RXFP1: variants seen among roughly 807,000 people sequenced by gnomAD.
RXFP1 encodes relaxin receptor 1.
A neutral mutation model predicts 89.8 loss-of-function variants in RXFP1; 73 were observed. The ratio of observed to expected loss-of-function variants is 0.81; its 90% CI spans 0.67 to 0.99. RXFP1 has a LOEUF of 0.99. Ranked by LOEUF, RXFP1 falls within the 50% of genes least tolerant of loss-of-function variation. RXFP1 has a pLI of 0.00. For synonymous variants in RXFP1, 277 were observed against 305.5 expected (o/e 0.91, Z 0.97); for missense variants, 793 against 895.5 (o/e 0.89, Z 1.46).
At chr4:158,609,760 G>T (rs1025956573) in intron 6 of RXFP1, among the ~76,000 whole-genome samples, 1 of 152,144 alleles carries the variant, frequency 6.6e-6, no homozygotes, top group Non-Finnish European at 1.5e-5. Flanking sequence ...TCTTAGCAAA[G>T]TACCCAGAAT....
intron 3 of RXFP1, among the ~76,000 whole-genome samples, 157 bp downstream of exon 3, chr4:158,593,656 C>G (rs1456795431): frequency 1.3e-5 from 2 of 152,120 alleles, no homozygotes; most frequent in African/African-American, 4.8e-5. Context: ...TTATAGTTTT[C>G]TAATTGCAAA....
At chr4:158,628,614 A>G in intron 10 of RXFP1, 24 bp from the exon 11 acceptor site, 1 of 1,186,914 alleles carries the variant, frequency 8.4e-7, no homozygotes, top group Non-Finnish European at 1.2e-6. Flanking sequence ...AGAAGTTACA[A>G]TGTATTTTTC....
intron 1 of RXFP1, among the ~76,000 whole-genome samples, chr4:158,544,628 T>G (rs1182511688): frequency 6.6e-6 from 1 of 151,346 alleles, no homozygotes; most frequent in African/African-American, 2.4e-5. Context: ...CCCTGGAGTG[T>G]GATGTTCCCC....
chr4:158,651,671 G>C, intron 17 of RXFP1, 86 bp from the exon 18 acceptor site: 2 of 1,029,068 alleles, frequency 1.9e-6, no homozygotes, highest in East Asian at 5.0e-5. Context: ...TCAAAAAGGG[G>C]TTGGGATGAA....
chr4:158,573,422 A>G (rs559835353), intron 2 of RXFP1, among the ~76,000 whole-genome samples: 2 of 152,332 alleles, frequency 1.3e-5, no homozygotes, highest in East Asian at 3.9e-4. Context: ...TGCAGGCTGC[A>G]TGCGGCCCGG....
chr4:158,593,790 G>A (rs948579420), intron 3 of RXFP1, among the ~76,000 whole-genome samples: 7 of 152,186 alleles, frequency 4.6e-5, no homozygotes, highest in East Asian at 3.8e-4. Context: ...AGTCAAGGAT[G>A]TTATTTTATA....
intron 1 of RXFP1, among the ~76,000 whole-genome samples, chr4:158,565,942 T>G (rs997350559): frequency 6.6e-6 from 1 of 152,182 alleles, no homozygotes; most frequent in South Asian, 2.1e-4. Flanking sequence ...ATGCATAACC[T>G]GAATCTAATT....
intron 1 of RXFP1, among the ~76,000 whole-genome samples, chr4:158,549,083 T>C (rs1327430535): frequency 6.6e-6 from 1 of 151,868 alleles, no homozygotes; most frequent in Admixed American, 6.6e-5. Flanking sequence ...CACTTTCAGG[T>C]ACACCAATCA....
rs1771669549 is a variant in RXFP1, at chr4:158,646,889, A to C, written c.1444A>C (p.Ser482Arg). 6.2e-7 allele frequency: 1 copy of C among 1,614,066 alleles called. No homozygotes were observed. Residue 482 changes from serine (S) to arginine (R), a missense_variant, in exon 16 of 18, where the codon AGT becomes CGT. Ser to Arg is a moderately radical substitution (Grantham distance 110, BLOSUM62 -1). Transcript: ENST00000307765. ...TAAGCATGCGCAGCTGTGGATGGAG[A>C]GTACTCATTGTCAGCTTGTAGGATC... is the stretch of plus-strand genomic sequence containing the variant. ...YNKHAQLWMESTHCQLVGSLA... is the reference protein window; with the variant it reads ...YNKHAQLWMERTHCQLVGSLA...
chr4:158,615,130 G>A (rs763199289), intron 8 of RXFP1, among the ~76,000 whole-genome samples: 1 of 152,060 alleles, frequency 6.6e-6, no homozygotes, highest in Non-Finnish European at 1.5e-5. Context: ...GTCATTAATT[G>A]GCTTAATTTC....
chr4:158,576,563 C>A (rs1756248817), intron 2 of RXFP1, among the ~76,000 whole-genome samples: 1 of 152,050 alleles, frequency 6.6e-6, no homozygotes, highest in Non-Finnish European at 1.5e-5. Context: ...AACCATGAAC[C>A]TAAACCCAAT....
Position 158,647,124 on chromosome 4 carries a change from A to T in RXFP1, c.1679A>T (p.Asn560Ile). The change falls in exon 16 of 18, where the codon AAT becomes ATT. Residue 560 changes from asparagine to isoleucine, a missense_variant. Physicochemically the swap from Asn to Ile is moderately radical, Grantham distance 149. Coordinates refer to ENST00000307765, the MANE Select transcript of RXFP1 (RefSeq NM_021634.4). The part of the protein sequence containing the change: ...KEFFKNYYGT[N>I]GVCFPLHSED... The stretch of plus-strand genomic sequence containing the variant: ...TTTTTCAAAAACTACTATGGCACCA[A>T]TGGAGTATGCTTCCCTCTTCATTCA... The T allele has an allele frequency of 1.2e-6, 2 of 1,614,126 alleles. No homozygotes were observed. Among genetic ancestry groups the T allele is most frequent in the Non-Finnish European group, 1.7e-6 (2 of 1,179,974 alleles).
chr4:158,583,155 A>G (rs892216914), intron 2 of RXFP1, among the ~76,000 whole-genome samples: 3 of 152,228 alleles, frequency 2.0e-5, no homozygotes, highest in Non-Finnish European at 4.4e-5. Context: ...CATGAGAATT[A>G]GATAAGCAGT....
chr4:158,543,859 A>G (rs1747480966), intron 1 of RXFP1: 2 of 985,426 alleles, frequency 2.0e-6, no homozygotes, highest in South Asian at 4.7e-5. Flanking sequence ...ACAGAGTGGC[A>G]TGCCAAATTT....
intron 2 of RXFP1, among the ~76,000 whole-genome samples, chr4:158,583,518 A>C (rs1431448124): frequency 1.3e-5 from 2 of 152,258 alleles, no homozygotes; most frequent in African/African-American, 4.8e-5. Context: ...CATAAAAATT[A>C]AAAATGTAAA....
intron 1 of RXFP1, among the ~76,000 whole-genome samples, chr4:158,568,321 A>G (rs1189271860): frequency 6.6e-6 from 1 of 152,256 alleles, no homozygotes; most frequent in Non-Finnish European, 1.5e-5. Flanking sequence ...CTGCCACTAA[A>G]TATAAATTTT....
At chr4:158,555,785 A>G (rs1751141309) in intron 1 of RXFP1, among the ~76,000 whole-genome samples, 1 of 152,240 alleles carries the variant, frequency 6.6e-6, no homozygotes, top group Admixed American at 6.5e-5. Context: ...TTCATTTCAA[A>G]TATTTCTGAG....
At chr4:158,576,063 C>T (rs930111181) in intron 2 of RXFP1, among the ~76,000 whole-genome samples, 1 of 152,190 alleles carries the variant, frequency 6.6e-6, no homozygotes, top group African/African-American at 2.4e-5. Flanking sequence ...CGTTTGAAAC[C>T]TCTCAAGTCC....
intron 1 of RXFP1, among the ~76,000 whole-genome samples, chr4:158,557,156 CATAG>C (rs992695540): frequency 2.6e-5 from 4 of 152,072 alleles, no homozygotes; most frequent in African/African-American, 9.7e-5. Context: ...CATTGTATAA[CATAG>C]ATATATATGG....
Sources: gnomAD v4.1 joint callset for allele counts (sites outside exome capture counted in the v4.1 genomes callset) on GRCh38, gnomAD v4.1.1 for gene constraint, MANE v1.5 for transcripts, NCBI Gene and HGNC (gene_info 2026-07-23, HGNC 2026-07-21) for gene names.